The following MMP16 variants were observed in gnomAD, a reference collection of about 807,000 sequenced individuals.
MMP16 encodes the protein matrix metalloproteinase-16.
In MMP16, 12 loss-of-function variants were observed where a neutral mutation model predicts 67.8. The ratio of observed to expected loss-of-function variants is 0.18; its 90% confidence interval spans 0.11 to 0.29. The LOEUF (loss-of-function observed/expected upper bound fraction) is 0.29. Ranked by LOEUF, MMP16 falls within the 10% of genes least tolerant of loss-of-function variation. MMP16 has a pLI of 1.00. For missense variants in MMP16, 475 were observed against 765.7 expected (o/e 0.62, Z 4.48); for synonymous variants, 249 against 255.9 (o/e 0.97, Z 0.26).
intron 6 of MMP16, among the ~76,000 whole-genome samples, chr8:88,080,127 G>T (rs1312963288): frequency 6.6e-6 from 1 of 152,094 alleles, no homozygotes; most frequent in Non-Finnish European, 1.5e-5. Flanking sequence ...ACAAGAATGG[G>T]GCAGTGCGTA....
intron 6 of MMP16, among the ~76,000 whole-genome samples, chr8:88,102,416 TG>T (rs928739405): frequency 7.2e-5 from 11 of 151,848 alleles, no homozygotes; most frequent in Non-Finnish European, 1.0e-4. Flanking sequence ...GACTGAGGTA[TG>T]GGGGGAGTGG....
intron 1 of MMP16, among the ~76,000 whole-genome samples, chr8:88,239,151 C>T (rs1184354759): frequency 3.3e-5 from 5 of 151,862 alleles, no homozygotes; most frequent in Middle Eastern, 3.4e-3. Flanking sequence ...TGATTACAAG[C>T]AGGCGTGGTG....
chr8:88,222,208 A>T (rs1200907900), intron 1 of MMP16, among the ~76,000 whole-genome samples: 1 of 152,032 alleles, frequency 6.6e-6, no homozygotes, highest in Non-Finnish European at 1.5e-5. Flanking sequence ...ATCAAGACTT[A>T]AAAAAATACT....
At chr8:88,323,150 T>G (rs901690727) in intron 1 of MMP16, among the ~76,000 whole-genome samples, 2 of 152,134 alleles carry the variant, frequency 1.3e-5, no homozygotes, top group African/African-American at 4.8e-5. Context: ...CATTCTTCCA[T>G]GTCCAAATGA....
At chr8:88,154,566 A>G (rs1388353220) in intron 4 of MMP16, among the ~76,000 whole-genome samples, 1 of 151,760 alleles carries the variant, frequency 6.6e-6, no homozygotes, top group Non-Finnish European at 1.5e-5. Flanking sequence ...TGTCCTTTGT[A>G]GGGACATGGA....
rs2118185603 is a variant in MMP16, at chr8:88,041,472, C to A, written c.1813G>T (p.Glu605Ter). 1 of 1,613,266 alleles carries A rather than the reference C, an allele frequency of 6.2e-7. No homozygotes were observed. Among genetic ancestry groups the A allele is most frequent in the Non-Finnish European group, 8.5e-7 (1 of 1,179,334 alleles). Residue 605 changes from glutamate (E) to a stop codon, truncating the protein, a stop_gained, in exon 10 of 10, where the codon GAG becomes TAG. Coordinates refer to ENST00000286614, the MANE Select transcript of MMP16 (RefSeq NM_005941.5). LOFTEE classifies it high-confidence loss of function. This position sits in a 1 kb window ranked among gnomAD's most constrained non-coding sequence, Gnocchi z 6.0. ...GAAAAAACCCTACATCACACCCACT[C>A]TTGCATAGAGCGTTTACAGTACAGT... ...HILYCKRSMQ[E>*]WV is the part of the protein sequence containing the mutation.
At chr8:88,188,737 C>T (rs1438106340) in intron 2 of MMP16, among the ~76,000 whole-genome samples, 1 of 151,486 alleles carries the variant, frequency 6.6e-6, no homozygotes, top group Non-Finnish European at 1.5e-5. Context: ...TTAACCACAA[C>T]CTCCACCTCC....
chr8:88,265,043 G>A (rs151254926), intron 1 of MMP16, among the ~76,000 whole-genome samples: 21 of 152,218 alleles, frequency 1.4e-4, no homozygotes, highest in South Asian at 2.1e-4. Context: ...CTGAGAAAAT[G>A]AGCTGATCAA....
At position 88,056,379 on chromosome 8, in the gene MMP16, T is replaced by C. The variant is rs28991900; in HGVS notation, c.1223-101A>G. 1,153 of 383,940 alleles carry C rather than the reference T, an allele frequency of 3.0e-3. 10 individuals carry two copies. Among genetic ancestry groups the C allele is most frequent in the African/African-American group, 0.023 (1,081 of 46,194 alleles). The allele number at this position is 383,940 out of a possible 1,614,324, so 23.8% of individuals were successfully genotyped here. On this transcript the variant is annotated intron_variant, in intron 7 of 9. Coordinates refer to ENST00000286614, the MANE Select transcript of MMP16 (RefSeq NM_005941.5). ...AATTATATTAAATACATATTATACA[T>C]TTAAAATTATACTAAATATATATTA...
At chr8:88,321,449 AT>A (rs988841258) in intron 1 of MMP16, among the ~76,000 whole-genome samples, 9 of 152,262 alleles carry the variant, frequency 5.9e-5, no homozygotes, top group Non-Finnish European at 1.3e-4. Flanking sequence ...TTTTAAATTA[AT>A]TTTTAAGGTT....
At chr8:88,257,743 G>C (rs1810325661) in intron 1 of MMP16, among the ~76,000 whole-genome samples, 1 of 152,116 alleles carries the variant, frequency 6.6e-6, no homozygotes, top group African/African-American at 2.4e-5. Context: ...AAATATCCTA[G>C]TATTTCATTT....
intron 7 of MMP16, among the ~76,000 whole-genome samples, 157 bp from the exon 8 acceptor site, chr8:88,056,435 T>A (rs1319229879): frequency 6.6e-6 from 1 of 150,438 alleles, no homozygotes; most frequent in Admixed American, 6.7e-5. Context: ...TTATTAGTTG[T>A]CCCATCTGGA....
At chr8:88,305,508 G>A (rs1275909780) in intron 1 of MMP16, among the ~76,000 whole-genome samples, 1 of 152,046 alleles carries the variant, frequency 6.6e-6, no homozygotes, top group Non-Finnish European at 1.5e-5. Context: ...TTGCCACATG[G>A]CACTTACTTT....
intron 1 of MMP16, among the ~76,000 whole-genome samples, chr8:88,221,400 G>A (rs974613317): frequency 5.3e-5 from 8 of 152,106 alleles, no homozygotes; most frequent in Non-Finnish European, 7.4e-5. Context: ...CAGCGTCTCC[G>A]TCTTCCGTAT....
At chr8:88,148,938 C>G (rs1171730119) in intron 4 of MMP16, among the ~76,000 whole-genome samples, 1 of 152,212 alleles carries the variant, frequency 6.6e-6, no homozygotes, top group African/African-American at 2.4e-5. Context: ...TCTGCATTTC[C>G]ATCTGAGGTA....
In MMP16 at chr8:88,036,717, G is replaced by A. The variant is rs1377890793; in HGVS notation, c.*4744C>T. 3 of 151,816 alleles carry A rather than the reference G, an allele frequency of 2.0e-5. No homozygotes were observed. Among genetic ancestry groups the A allele is most frequent in the African/African-American group, 4.8e-5 (2 of 41,488 alleles). 9.4% of individuals were successfully genotyped at this position (151,816 alleles called of 1,614,324 possible). On this transcript the variant is annotated 3_prime_UTR_variant, in exon 10 of 10. Coordinates refer to ENST00000286614, the MANE Select transcript of MMP16 (RefSeq NM_005941.5). ...TTTTGTGATATTACATATTGGCTGA[G>A]ATTGCTGTAATAGGTCATCTGAAAT...
chr8:88,112,503 C>A (rs1809353662), intron 6 of MMP16, among the ~76,000 whole-genome samples: 1 of 151,748 alleles, frequency 6.6e-6, no homozygotes, highest in Non-Finnish European at 1.5e-5. Flanking sequence ...GTATTAAAAT[C>A]ACCTTTTCTA....
intron 6 of MMP16, among the ~76,000 whole-genome samples, chr8:88,081,211 C>A (rs552566914): frequency 4.6e-4 from 70 of 152,138 alleles, no homozygotes; most frequent in African/African-American, 1.6e-3. Flanking sequence ...TCTGAAGGGA[C>A]AAGAAGAATA....
intron 1 of MMP16, among the ~76,000 whole-genome samples, chr8:88,214,632 T>A (rs2129827058): frequency 6.6e-6 from 1 of 152,358 alleles, no homozygotes; most frequent in Admixed American, 6.5e-5. Flanking sequence ...TATCATTTAT[T>A]TGTGATGAGA....
Sources: gnomAD v4.1 joint callset for allele counts (sites outside exome capture counted in the v4.1 genomes callset) on GRCh38, gnomAD v4.1.1 for gene constraint, Gnocchi (gnomAD v3.1) non-coding constraint, MANE v1.5 for transcripts, NCBI Gene and HGNC (gene_info 2026-07-23, HGNC 2026-07-21) for gene names.